MARCHF1: variants seen among roughly 807,000 people sequenced by gnomAD.
MARCHF1 encodes the protein membrane associated ring-CH-type finger 1.
Under a neutral mutation model 54.2 loss-of-function variants are expected in MARCHF1, and 40 were observed. The ratio of observed to expected loss-of-function variants is 0.74; its 90% CI spans 0.57 to 0.96. The LOEUF (loss-of-function observed/expected upper bound fraction) is 0.96. MARCHF1 is among the 40% of genes least tolerant of loss of function. MARCHF1 has a pLI of 0.00. For synonymous variants in MARCHF1, 236 were observed against 236.3 expected, an observed-to-expected ratio of 1.00 and a Z score of 0.01; for missense variants, 586 against 656.5, an observed-to-expected ratio of 0.89 and a Z score of 1.17.
At chr4:163,833,114 G>A (rs1317006638) in intron 4 of MARCHF1, among the ~76,000 whole-genome samples, 2 of 152,096 alleles carry the variant, frequency 1.3e-5, no homozygotes, top group East Asian at 3.9e-4. Flanking sequence ...CCAGTAATGA[G>A]ATGGCTGGGT....
At chr4:164,267,262 C>T (rs1305724607) in intron 1 of MARCHF1, among the ~76,000 whole-genome samples, 5 of 152,156 alleles carry the variant, frequency 3.3e-5, no homozygotes, top group African/African-American at 7.2e-5. Context: ...GGTATTTATA[C>T]CCTTATATAA....
At chr4:164,322,696 C>T (rs1735173607) in intron 1 of MARCHF1, among the ~76,000 whole-genome samples, 1 of 151,802 alleles carries the variant, frequency 6.6e-6, no homozygotes, top group African/African-American at 2.4e-5. Context: ...AGTATATACA[C>T]CTACTATGTA....
Position 164,239,794 on chromosome 4 carries a change from ATTC to A in MARCHF1, c.-322-128135_-322-128133del, listed in dbSNP as rs555388646. On this transcript the variant is annotated intron_variant, in intron 1 of 9. Coordinates refer to ENST00000514618, the MANE Select transcript of MARCHF1 (RefSeq NM_001394959.1). ...TTTTAAGAGTGTATGTATATGTCATATTCTTCTTTTCATTTCTTTGACTTCCTC... is the reference window on the plus strand; with the variant it reads ...TTTTAAGAGTGTATGTATATGTCATATTCTTTTCATTTCTTTGACTTCCTC... 1.6e-3 allele frequency among the ~76,000 whole-genome samples: 239 copies of A among 152,072 alleles called. 1 individual carries two copies. The highest frequency in any genetic ancestry group is 5.0e-3 in the African/African-American group (207 of 41,348).
chr4:163,927,642 G>C (rs546209788), intron 3 of MARCHF1, among the ~76,000 whole-genome samples: 4 of 151,762 alleles, frequency 2.6e-5, no homozygotes, highest in Non-Finnish European at 5.9e-5. Context: ...TTAGCTTGCA[G>C]AGTAATTTTA....
intron 1 of MARCHF1, among the ~76,000 whole-genome samples, chr4:164,309,073 T>C (rs1734774226): frequency 6.6e-6 from 1 of 151,862 alleles, no homozygotes; most frequent in Non-Finnish European, 1.5e-5. Context: ...AGATGATTGA[T>C]AGGTATGGAG....
intron 1 of MARCHF1, among the ~76,000 whole-genome samples, chr4:164,118,398 G>A (rs1204988452): frequency 2.0e-5 from 3 of 149,778 alleles, no homozygotes; most frequent in Non-Finnish European, 4.5e-5. Flanking sequence ...AAAAGAAAGT[G>A]GAAAAAGATA....
intron 1 of MARCHF1, among the ~76,000 whole-genome samples, chr4:164,211,873 T>C (rs1731783922): frequency 6.6e-6 from 1 of 152,132 alleles, no homozygotes; most frequent in Non-Finnish European, 1.5e-5. Flanking sequence ...AGAAGTAAAT[T>C]TAAATGAATA....
At chr4:164,044,665 G>C (rs766678260) in intron 2 of MARCHF1, among the ~76,000 whole-genome samples, 6 of 152,072 alleles carry the variant, frequency 3.9e-5, no homozygotes, top group Non-Finnish European at 5.9e-5. Context: ...CTCAGTACTT[G>C]CTTTCTATCT....
chr4:164,206,923 TATG>T (rs1455130735), intron 1 of MARCHF1, among the ~76,000 whole-genome samples: 7 of 152,100 alleles, frequency 4.6e-5, no homozygotes, highest in African/African-American at 1.2e-4. Context: ...AATTAACAAG[TATG>T]ATAATACTAA....
At chr4:163,801,709 G>T (rs1271219459) in intron 4 of MARCHF1, among the ~76,000 whole-genome samples, 1 of 151,980 alleles carries the variant, frequency 6.6e-6, no homozygotes, top group Admixed American at 6.6e-5. Flanking sequence ...GTAACTACTA[G>T]TGAGACTTCC....
chr4:163,935,776 T>G (rs188749856), intron 3 of MARCHF1, among the ~76,000 whole-genome samples: 86 of 151,288 alleles, frequency 5.7e-4, no homozygotes, highest in African/African-American at 2.1e-3. Flanking sequence ...GTTAGTTACA[T>G]ATGTATACAT....
intron 8 of MARCHF1, among the ~76,000 whole-genome samples, chr4:163,553,918 T>C (rs1739198689): frequency 1.3e-5 from 2 of 152,204 alleles, no homozygotes; most frequent in South Asian, 4.1e-4. Context: ...TCCAAGAAGC[T>C]ACCCAAGAAT....
intron 3 of MARCHF1, among the ~76,000 whole-genome samples, chr4:163,950,327 C>T (rs912073018): frequency 1.4e-4 from 21 of 152,310 alleles, no homozygotes; most frequent in African/African-American, 4.1e-4. Flanking sequence ...AGGGGACTGG[C>T]GTGTCAGTGC....
chr4:164,118,641 A>T (rs188884945), intron 1 of MARCHF1, among the ~76,000 whole-genome samples: 3 of 151,822 alleles, frequency 2.0e-5, no homozygotes, highest in Admixed American at 1.3e-4. Flanking sequence ...ATAAAATTCA[A>T]TTCTGTTCTC....
chr4:163,541,175 T>C (rs1242344138), intron 9 of MARCHF1, among the ~76,000 whole-genome samples: 1 of 152,226 alleles, frequency 6.6e-6, no homozygotes, highest in Non-Finnish European at 1.5e-5. Flanking sequence ...GAGCCTCTAC[T>C]AACACCAAGT....
chr4:163,848,203 A>G (rs375270397), intron 4 of MARCHF1, among the ~76,000 whole-genome samples: 76 of 152,188 alleles, frequency 5.0e-4, no homozygotes, highest in African/African-American at 1.8e-3. Context: ...TTTCTTATCT[A>G]GTTTCTCCTC....
intron 2 of MARCHF1, among the ~76,000 whole-genome samples, chr4:164,033,724 T>C (rs1357199703): frequency 2.0e-5 from 3 of 152,126 alleles, no homozygotes; most frequent in Non-Finnish European, 4.4e-5. Context: ...CACAATTAGA[T>C]ACCATCTCAT....
intron 4 of MARCHF1, among the ~76,000 whole-genome samples, chr4:163,799,046 T>G (rs189796248): frequency 1.3e-3 from 203 of 152,218 alleles, no homozygotes; most frequent in Non-Finnish European, 2.5e-3. Context: ...AAAGCTGCAC[T>G]GTTAAAAATG....
At chr4:164,222,652 G>A (rs1356607903) in intron 1 of MARCHF1, among the ~76,000 whole-genome samples, 1 of 151,942 alleles carries the variant, frequency 6.6e-6, no homozygotes, top group Non-Finnish European at 1.5e-5. Flanking sequence ...CAGGAAGAGA[G>A]AGAGAGAGAA....
Sources: gnomAD v4.1 joint callset for allele counts (sites outside exome capture counted in the v4.1 genomes callset) on GRCh38, gnomAD v4.1.1 for gene constraint, MANE v1.5 for transcripts, NCBI Gene and HGNC (gene_info 2026-07-23, HGNC 2026-07-21) for gene names.